Variants in SLC27A4 observed in about 807,000 individuals in gnomAD.
SLC27A4 encodes long-chain fatty acid transport protein 4.
In SLC27A4, 33 loss-of-function variants were observed where a neutral mutation model predicts 64.4. The ratio of observed to expected loss-of-function variants is 0.51; its 90% confidence interval spans 0.39 to 0.68. The LOEUF (loss-of-function observed/expected upper bound fraction) is 0.68. Among genes scored for constraint, SLC27A4 ranks in the 30% least tolerant of loss-of-function variants. SLC27A4 has a pLI of 0.00. For synonymous variants in SLC27A4, 377 were observed against 370.0 expected (o/e 1.02, Z -0.22); for missense variants, 824 against 883.5 (o/e 0.93, Z 0.85).
chr9:128,353,531 C>G lies in SLC27A4; in HGVS notation c.1314C>G (p.Pro438=). 1 of 1,614,010 alleles carries G rather than the reference C, an allele frequency of 6.2e-7. No homozygotes were observed. Among genetic ancestry groups the G allele is most frequent in the Non-Finnish European group, 8.5e-7 (1 of 1,179,970 alleles). Residue 438 remains proline, a synonymous_variant, in exon 9 of 13, where the codon CCC becomes CCG. Transcript: ENST00000300456. The surrounding 1 kb of genome is among the most constrained non-coding windows in gnomAD (Gnocchi z 4.9). ...LIRGPDGVCI[P]CQPGEPGQLV... is the part of the protein sequence containing the mutation. ...GGGGGCCCGACGGCGTCTGCATTCC[C>G]TGCCAGCCAGGTCTGCCACTTCGGG...
chr9:128,355,226 G>C, intron 10 of SLC27A4, 36 bp downstream of exon 10: 1 of 1,609,756 alleles, frequency 6.2e-7, no homozygotes, highest in East Asian at 2.2e-5. Flanking sequence ...CTTCCTGAGG[G>C]TTGGGGGAGG....
chr9:128,355,141 G>C lies in SLC27A4; in HGVS notation c.1413G>C (p.Lys471Asn), dbSNP rs774047091. 3.7e-5 allele frequency: 60 copies of C among 1,613,510 alleles called. No individual in the cohort carries two copies. The highest frequency in any genetic ancestry group is 1.6e-4 in the Middle Eastern group (1 of 6,078). ...DGYLNQGANN[K>N]KIAKDVFKKG... ...ACCTCAACCAGGGCGCCAACAACAA[G>C]AAGATTGCCAAGGATGTCTTCAAGA... The change falls in exon 10 of 13, where the codon AAG becomes AAC. Residue 471 changes from lysine (K) to asparagine (N), a missense_variant. Coordinates refer to ENST00000300456, the MANE Select transcript of SLC27A4 (RefSeq NM_005094.4).
intron 6 of SLC27A4, 106 bp downstream of exon 6, chr9:128,350,681 C>T (rs1161421010): frequency 4.0e-5 from 36 of 896,052 alleles, no homozygotes; most frequent in South Asian, 1.5e-4. Flanking sequence ...TTGGGCCAGG[C>T]GCAGTGACTC....
At chr9:128,347,069 A>G (rs1343009319) in intron 3 of SLC27A4, among the ~76,000 whole-genome samples, 1 of 152,134 alleles carries the variant, frequency 6.6e-6, no homozygotes, top group Non-Finnish European at 1.5e-5. Flanking sequence ...CCTCAGTACA[A>G]TGGTAATCAT....
chr9:128,345,534 A>C lies in SLC27A4; in HGVS notation c.541A>C (p.Ser181Arg). The change falls in exon 3 of 13, where the codon AGC (serine) becomes CGC (arginine). Residue 181 changes from serine (S) to arginine (R), a missense_variant. Transcript: ENST00000300456. This position sits in a 1 kb window ranked among gnomAD's most constrained non-coding sequence, Gnocchi z 4.1. The part of the protein sequence containing the change: ...TSRARALVFG[S>R]EMASAICEVH... ...GCGCGCACGGGCCCTTGTCTTTGGC[A>C]GCGAAATGGCCTCAGGTGAGCCCCA... The C allele has an allele frequency of 1.2e-6, 2 of 1,606,378 alleles. No homozygotes were observed. The highest frequency in any genetic ancestry group is 8.5e-7 in the Non-Finnish European group (1 of 1,177,600).
Position 128,348,710 on chromosome 9 carries a change from T to TC in SLC27A4, c.715+9dup. The TC allele has an allele frequency of 6.2e-7, 1 of 1,613,648 alleles. No homozygotes were observed. The highest frequency in any genetic ancestry group is 8.5e-7 in the Non-Finnish European group (1 of 1,179,960). On this transcript the variant is annotated splice_region_variant and intron_variant, in intron 4 of 12. Coordinates refer to ENST00000300456, the MANE Select transcript of SLC27A4 (RefSeq NM_005094.4). Reference sequence around the variant, plus strand: ...CCTGACAAGGGCTTCACAGGTGGGCTCCATCCCCTCCCCATAGAGGGGCTC... The same window carrying TC: ...CCTGACAAGGGCTTCACAGGTGGGCTCCCATCCCCTCCCCATAGAGGGGCTC...
intron 6 of SLC27A4, 119 bp from the exon 7 acceptor site, chr9:128,352,519 G>T: frequency 1.3e-6 from 1 of 798,234 alleles, no homozygotes; most frequent in East Asian, 2.7e-5. Context: ...AGGCAGATGT[G>T]AGGTGCAGAA....
intron 12 of SLC27A4, among the ~76,000 whole-genome samples, chr9:128,356,408 A>G (rs987645669): frequency 4.6e-5 from 7 of 152,252 alleles, no homozygotes; most frequent in African/African-American, 7.2e-5. Flanking sequence ...AGGCAGTGGC[A>G]TGAAGTGGGA....
In SLC27A4 at chr9:128,360,437, C is replaced by G. The variant is rs1461333542; in HGVS notation, c.1878C>G (p.Val626=). The G allele has an allele frequency of 6.2e-7, 1 of 1,614,118 alleles. No individual in the cohort carries two copies. Residue 626 remains valine (V), a synonymous_variant, in exon 13 of 13, where the codon GTC becomes GTG. Transcript: ENST00000300456. ...TAGATGCCCAGAAGGGCCGCTACGT[C>G]CCGCTGGACCAAGAGGCCTACAGCC... ...FYLDAQKGRY[V]PLDQEAYSRI...
intron 3 of SLC27A4, among the ~76,000 whole-genome samples, chr9:128,346,911 A>G (rs1248809513): frequency 6.6e-6 from 1 of 152,034 alleles, no homozygotes; most frequent in African/African-American, 2.4e-5. Flanking sequence ...AGACTGAGGT[A>G]GGAGAATCGC....
At chr9:128,352,143 C>T (rs936983268) in intron 6 of SLC27A4, among the ~76,000 whole-genome samples, 3 of 150,692 alleles carry the variant, frequency 2.0e-5, no homozygotes, top group East Asian at 1.9e-4. Flanking sequence ...TGCAGTGAGC[C>T]GAGATGGCAT....
Position 128,340,700 on chromosome 9 carries a change from A to T in SLC27A4, c.-145A>T. 2.2e-6 allele frequency: 1 copy of T among 463,216 alleles called. No homozygotes were observed. Among genetic ancestry groups the T allele is most frequent in the South Asian group, 3.8e-5 (1 of 26,582 alleles). 28.7% of individuals were successfully genotyped at this position (463,216 alleles called of 1,614,324 possible). On this transcript the variant is annotated 5_prime_UTR_variant, in exon 1 of 13. The change abolishes an upstream ATG in the 5' untranslated region. Coordinates refer to ENST00000300456, the MANE Select transcript of SLC27A4 (RefSeq NM_005094.4). The stretch of plus-strand genomic sequence containing the variant: ...GCGGGGCTGGCGGGGCGGCCGGGCC[A>T]TGCAGGGCGCAGAGCCGGCTAAACC...
In SLC27A4 at chr9:128,353,536, A is replaced by G; in HGVS notation, c.1319A>G (p.Gln440Arg). 4 of 1,613,976 alleles carry G rather than the reference A, an allele frequency of 2.5e-6. No homozygotes were observed. Among genetic ancestry groups the G allele is most frequent in the Non-Finnish European group, 3.4e-6 (4 of 1,179,944 alleles). ...RGPDGVCIPC[Q>R]PGEPGQLVGR... ...CCCGACGGCGTCTGCATTCCCTGCC[A>G]GCCAGGTCTGCCACTTCGGGGTCAG... The change falls in exon 9 of 13, where the codon CAG becomes CGG. Residue 440 changes from glutamine (Q) to arginine (R), a missense_variant. Physicochemically the swap from Gln to Arg is conservative, Grantham distance 43. Coordinates refer to ENST00000300456, the MANE Select transcript of SLC27A4 (RefSeq NM_005094.4). This position sits in a 1 kb window ranked among gnomAD's most constrained non-coding sequence, Gnocchi z 4.9.
intron 2 of SLC27A4, among the ~76,000 whole-genome samples, chr9:128,344,079 A>T (rs1832617624): frequency 6.6e-6 from 1 of 151,984 alleles, no homozygotes; most frequent in Admixed American, 6.6e-5. Flanking sequence ...CTGTGGGAGC[A>T]TGGAGCAAGG....
intron 4 of SLC27A4, among the ~76,000 whole-genome samples, chr9:128,349,509 C>T (rs1832704162): frequency 6.6e-6 from 1 of 152,140 alleles, no homozygotes; most frequent in Non-Finnish European, 1.5e-5. Context: ...TGGTCATTGT[C>T]ATCAGCACTG....
Position 128,360,559 on chromosome 9 carries a change from C to T in SLC27A4, c.*68C>T, listed in dbSNP as rs1164381847. ...GCCCCAGGTTCCGCCCCAGAGCGGT[C>T]CTGGACAAGGCCAGACCAAAGCAAG... On this transcript the variant is annotated 3_prime_UTR_variant, in exon 13 of 13. Transcript: ENST00000300456. 1.3e-6 allele frequency: 2 copies of T among 1,577,430 alleles called. No individual in the cohort carries two copies. Among genetic ancestry groups the T allele is most frequent in the East Asian group, 2.3e-5 (1 of 44,394 alleles).
intron 1 of SLC27A4, among the ~76,000 whole-genome samples, chr9:128,341,925 G>A (rs1832578424): frequency 6.6e-6 from 1 of 152,076 alleles, no homozygotes; most frequent in African/African-American, 2.4e-5. Context: ...TTTTAGTAGA[G>A]ACAGGGTTTC....
chr9:128,342,367 T>C lies in SLC27A4; in HGVS notation c.-6-760T>C, dbSNP rs762504445. 10 of 1,610,886 alleles carry C rather than the reference T, an allele frequency of 6.2e-6. No individual in the cohort carries two copies. The African/African-American group carries it at 1.2e-4, about 19-fold the overall frequency. On this transcript the variant is annotated intron_variant, in intron 1 of 12. Transcript: ENST00000300456. Reference sequence around the variant, plus strand: ...GGAGAAGCAAGCAAGCGAATCGTAATGAGGCGTGCACCGCCAATATGCATT... The same window carrying C: ...GGAGAAGCAAGCAAGCGAATCGTAACGAGGCGTGCACCGCCAATATGCATT...
intron 10 of SLC27A4, 59 bp from the exon 11 acceptor site, chr9:128,355,339 T>C (rs1832801429): frequency 6.2e-7 from 1 of 1,609,670 alleles, no homozygotes; most frequent in African/African-American, 1.3e-5. Flanking sequence ...CCTCCCTGGC[T>C]TGAGCCCTGG....
Sources: allele counts gnomAD v4.1 joint callset (sites outside exome capture counted in the v4.1 genomes callset), GRCh38; gene constraint gnomAD v4.1.1; non-coding constraint Gnocchi (gnomAD v3.1); transcripts MANE v1.5; gene names NCBI Gene and HGNC (gene_info 2026-07-23, HGNC 2026-07-21).